RPS27L: variants seen among roughly 807,000 people sequenced by gnomAD.
RPS27L encodes ribosomal protein eS27-like.
A neutral mutation model predicts 12.8 loss-of-function variants in RPS27L; 10 were observed. The ratio of observed to expected loss-of-function variants is 0.78; its 90% CI spans 0.48 to 1.33. The LOEUF is 1.33. Ranked by LOEUF, RPS27L falls within the 40% of genes most tolerant of loss-of-function variation. The probability of loss-of-function intolerance (pLI) is 0.00; values close to 1 mark genes in which losing one functional copy is unlikely to be tolerated. For synonymous variants in RPS27L, 26 were observed against 32.3 expected, an observed-to-expected ratio of 0.81 and a Z score of 0.66; for missense variants, 81 against 97.4, an observed-to-expected ratio of 0.83 and a Z score of 0.71.
At chr15:63,155,934 T>C (rs1485211062) in intron 2 of RPS27L, among the ~76,000 whole-genome samples, 1 of 152,232 alleles carries the variant, frequency 6.6e-6, no homozygotes, top group African/African-American at 2.4e-5. Flanking sequence ...AAACTTAATA[T>C]TTCCAAAATA....
rs1172665123 is a variant in RPS27L, at chr15:63,151,026, T to G, written c.*3006A>C. The G allele has an allele frequency of 6.6e-6, 1 of 152,220 alleles. No homozygotes were observed. The highest frequency in any genetic ancestry group is 1.5e-5 in the Non-Finnish European group (1 of 68,036). The allele number at this position is 152,220 out of a possible 1,614,324, so 9.4% of individuals were successfully genotyped here. ...ATTTATATTAAGTTTATGGAAGGTT[T>G]CCTTTACAAATATATTTACATTAAA... is the stretch of plus-strand genomic sequence containing the variant. On this transcript the variant is annotated 3_prime_UTR_variant, in exon 4 of 4. Transcript: ENST00000330964.
rs1566996326 is a variant in RPS27L at position 63,149,375 on chromosome 15, A to T, written c.*4657T>A. The T allele has an allele frequency of 1.3e-5, 2 of 152,056 alleles. No homozygotes were observed. The highest frequency in any genetic ancestry group is 2.9e-5 in the Non-Finnish European group (2 of 68,030). 9.4% of individuals were successfully genotyped at this position (152,056 alleles called of 1,614,324 possible). On this transcript the variant is annotated 3_prime_UTR_variant, in exon 4 of 4. Transcript: ENST00000330964. ...TCAGCAGATCGAGACCATCCTGGCT[A>T]ACACGGTGAAACCCCATCTCTACTA...
intron 1 of RPS27L, 85 bp downstream of exon 1, chr15:63,157,315 C>T (rs985982391): frequency 4.7e-6 from 7 of 1,477,140 alleles, no homozygotes; most frequent in Non-Finnish European, 6.6e-6. Context: ...ACTACAGGCC[C>T]GAGAGGCAGC....
rs1333884830 is a variant in RPS27L at position 63,149,433 on chromosome 15, G to A, written c.*4599C>T. On this transcript the variant is annotated 3_prime_UTR_variant, in exon 4 of 4. Coordinates refer to ENST00000330964, the MANE Select transcript of RPS27L (RefSeq NM_015920.4). ...TTTAAAAAAATTAGCCCGGCGTGGT[G>A]GCACACGCCTGTAGTCTCAGGTACT... The A allele has an allele frequency of 6.6e-6, 1 of 151,974 alleles. No individual in the cohort carries two copies. Among genetic ancestry groups the A allele is most frequent in the African/African-American group, 2.4e-5 (1 of 41,386 alleles). The allele number at this position is 151,974 out of a possible 1,614,324, so 9.4% of individuals were successfully genotyped here. A position where few individuals can be genotyped will look rare whatever the true frequency, so the allele number is the denominator to read the frequency against.
rs2037314041 is a variant in RPS27L at position 63,153,621 on chromosome 15, A to G, written c.*411T>C. 6.3e-6 allele frequency: 1 copy of G among 159,966 alleles called. No individual in the cohort carries two copies. The highest frequency in any genetic ancestry group is 2.4e-5 in the African/African-American group (1 of 41,606). 9.9% of individuals were successfully genotyped at this position (159,966 alleles called of 1,614,324 possible). A position where few individuals can be genotyped will look rare whatever the true frequency, so the allele number is the denominator to read the frequency against. ...GTGCCTATAATCCCAGCTACTTGGG[A>G]GGACAAGGCAAGAGAATTGCTTGGA... On this transcript the variant is annotated 3_prime_UTR_variant, in exon 4 of 4. Transcript: ENST00000330964.
rs1039591877 is a variant in RPS27L at position 63,153,922 on chromosome 15, A to C, written c.*110T>G. The C allele has an allele frequency of 9.9e-7, 1 of 1,007,546 alleles. No individual in the cohort carries two copies. 62.4% of individuals were successfully genotyped at this position (1,007,546 alleles called of 1,614,324 possible). On this transcript the variant is annotated 3_prime_UTR_variant, in exon 4 of 4. Coordinates refer to ENST00000330964, the MANE Select transcript of RPS27L (RefSeq NM_015920.4). ...GGAGATTACTGCTGTATACCTTACAAAACCAAATGTAATTACATTATCTTG... is the reference window on the plus strand; with the variant it reads ...GGAGATTACTGCTGTATACCTTACACAACCAAATGTAATTACATTATCTTG...
chr15:63,151,394 C>A lies in RPS27L; in HGVS notation c.*2638G>T, dbSNP rs2037298493. 6.6e-6 allele frequency: 1 copy of A among 152,064 alleles called. No individual in the cohort carries two copies. Among genetic ancestry groups the A allele is most frequent in the Non-Finnish European group, 1.5e-5 (1 of 68,022 alleles). 9.4% of individuals were successfully genotyped at this position (152,064 alleles called of 1,614,324 possible). The stretch of plus-strand genomic sequence containing the variant: ...GACTACAGGTGTACACCACCACGCC[C>A]AGCTAATTTTTGTATGTTTAGTAGA... On this transcript the variant is annotated 3_prime_UTR_variant, in exon 4 of 4. Transcript: ENST00000330964.
chr15:63,155,674 C>T lies in RPS27L; in HGVS notation c.173G>A (p.Gly58Asp). The part of the protein sequence containing the change: ...SHAQTVVLCV[G>D]CSTVLCQPTG... ...AGGCTGGCACAACACTGTTGAACAA[C>T]CTACACAAAGAACCACTGTCTGAGC... Residue 58 changes from glycine (G) to aspartate (D), a missense_variant, in exon 3 of 4, where the codon GGT becomes GAT. Physicochemically the swap from Gly to Asp is moderately conservative, Grantham distance 94 (BLOSUM62 -1). Coordinates refer to ENST00000330964, the MANE Select transcript of RPS27L (RefSeq NM_015920.4). 3 of 1,579,416 alleles carry T rather than the reference C, an allele frequency of 1.9e-6. No individual in the cohort carries two copies. The highest frequency in any genetic ancestry group is 2.6e-6 in the Non-Finnish European group (3 of 1,162,842).
Position 63,149,070 on chromosome 15 carries a change from G to C in RPS27L, c.*4962C>G, listed in dbSNP as rs2037283472. 1 of 151,828 alleles carries C rather than the reference G, an allele frequency of 6.6e-6. No homozygotes were observed. The highest frequency in any genetic ancestry group is 2.4e-5 in the African/African-American group (1 of 41,372). 9.4% of individuals were successfully genotyped at this position (151,828 alleles called of 1,614,324 possible). ...GACGCGGTTTCATCATGTTGGCCAG[G>C]ATGGTCTCAATCTCGACCTCGTGAT... On this transcript the variant is annotated 3_prime_UTR_variant, in exon 4 of 4. Transcript: ENST00000330964.
At chr15:63,156,995 G>A in intron 1 of RPS27L, 1 of 355,184 alleles carries the variant, frequency 2.8e-6, no homozygotes, top group South Asian at 3.3e-5. Flanking sequence ...TAATATATAA[G>A]GCAACAACGA....
intron 1 of RPS27L, 105 bp from the exon 2 acceptor site, chr15:63,156,626 G>C: frequency 2.7e-6 from 2 of 740,448 alleles, no homozygotes; most frequent in Non-Finnish European, 2.4e-6. Context: ...GGTCATCCTC[G>C]GCAGAAGCAA....
chr15:63,151,637 A>C lies in RPS27L; in HGVS notation c.*2395T>G, dbSNP rs1322392664. The C allele has an allele frequency of 6.6e-6, 1 of 152,168 alleles. No homozygotes were observed. The highest frequency in any genetic ancestry group is 1.5e-5 in the Non-Finnish European group (1 of 68,036). The allele number at this position is 152,168 out of a possible 1,614,324, so 9.4% of individuals were successfully genotyped here. On this transcript the variant is annotated 3_prime_UTR_variant, in exon 4 of 4. Transcript: ENST00000330964. ...CTCATCATAGGTTTGATTCCTTCTC[A>C]TCAAAAGCTGTCATCCCACTGTCTC...
At position 63,150,631 on chromosome 15, in the gene RPS27L, T is replaced by G. The variant is rs767031745; in HGVS notation, c.*3401A>C. The stretch of plus-strand genomic sequence containing the variant: ...CAGGCCAGAAGCCAAGAATTTCATT[T>G]TATTTTTAGCTTATTTATTTTTTTC... On this transcript the variant is annotated 3_prime_UTR_variant, in exon 4 of 4. Coordinates refer to ENST00000330964, the MANE Select transcript of RPS27L (RefSeq NM_015920.4). 3.9e-5 allele frequency: 6 copies of G among 152,126 alleles called. No homozygotes were observed. Among genetic ancestry groups the G allele is most frequent in the Non-Finnish European group, 5.9e-5 (4 of 68,024 alleles). The allele number at this position is 152,126 out of a possible 1,614,324, so 9.4% of individuals were successfully genotyped here. A position where few individuals can be genotyped will look rare whatever the true frequency, so the allele number is the denominator to read the frequency against.
intron 2 of RPS27L, among the ~76,000 whole-genome samples, 191 bp from the exon 3 acceptor site, chr15:63,155,922 T>C (rs1453089993): frequency 6.6e-6 from 1 of 152,230 alleles, no homozygotes; most frequent in Non-Finnish European, 1.5e-5. Flanking sequence ...ATATATTTCA[T>C]TAAACTTAAT....
chr15:63,153,153 A>T lies in RPS27L; in HGVS notation c.*879T>A, dbSNP rs2037311542. Reference sequence around the variant, plus strand: ...ACCTATCTGGGCCAGAGAATTCAACACCATCTACTATCCCCAACCAGGACT... The same window carrying T: ...ACCTATCTGGGCCAGAGAATTCAACTCCATCTACTATCCCCAACCAGGACT... On this transcript the variant is annotated 3_prime_UTR_variant, in exon 4 of 4. Transcript: ENST00000330964. The T allele has an allele frequency of 6.6e-6, 1 of 152,142 alleles. No homozygotes were observed. The highest frequency in any genetic ancestry group is 2.1e-4 in the South Asian group (1 of 4,828). 9.4% of individuals were successfully genotyped at this position (152,142 alleles called of 1,614,324 possible). A position where few individuals can be genotyped will look rare whatever the true frequency, so the allele number is the denominator to read the frequency against.
At position 63,153,995 on chromosome 15, in the gene RPS27L, C is replaced by T. The variant is rs1595722144; in HGVS notation, c.*37G>A. On this transcript the variant is annotated 3_prime_UTR_variant, in exon 4 of 4. Coordinates refer to ENST00000330964, the MANE Select transcript of RPS27L (RefSeq NM_015920.4). ...ATTTATGATAAGGCTTTCTGTGAGACAACACAAAATTAAAATTCAGGAAGC... is the reference window on the plus strand; with the variant it reads ...ATTTATGATAAGGCTTTCTGTGAGATAACACAAAATTAAAATTCAGGAAGC... The T allele has an allele frequency of 1.3e-5, 19 of 1,513,082 alleles. No individual in the cohort carries two copies. The highest frequency in any genetic ancestry group is 2.3e-5 in the East Asian group (1 of 42,750). The allele number at this position is 1,513,082 out of a possible 1,614,324, so 93.7% of individuals were successfully genotyped here. A position where few individuals can be genotyped will look rare whatever the true frequency, so the allele number is the denominator to read the frequency against.
In RPS27L at chr15:63,149,785, T is replaced by C. The variant is rs569730836; in HGVS notation, c.*4247A>G. 1.1e-4 allele frequency: 16 copies of C among 152,056 alleles called. No individual in the cohort carries two copies. The highest frequency in any genetic ancestry group is 3.6e-4 in the African/African-American group (15 of 41,492). 9.4% of individuals were successfully genotyped at this position (152,056 alleles called of 1,614,324 possible). On this transcript the variant is annotated 3_prime_UTR_variant, in exon 4 of 4. Transcript: ENST00000330964. ...TTTTGCAGATGTCATTAAGAATACT[T>C]TATTTGGCCGGATGCAGTGGCTCAC...
In RPS27L at chr15:63,157,456, T is replaced by G. The variant is rs573922347; in HGVS notation, c.-51A>C. The G allele has an allele frequency of 5.1e-5, 82 of 1,610,156 alleles. No individual in the cohort carries two copies. The African/African-American group carries it at 1.0e-3, about 20-fold the overall frequency. On this transcript the variant is annotated 5_prime_UTR_variant, in exon 1 of 4. Coordinates refer to ENST00000330964, the MANE Select transcript of RPS27L (RefSeq NM_015920.4). Reference sequence around the variant, plus strand: ...TACCAGACCTCCCAGCCCACACAGCTAGCAAGCTGCAAGCGATCTGCGCTC... The same window carrying G: ...TACCAGACCTCCCAGCCCACACAGCGAGCAAGCTGCAAGCGATCTGCGCTC...
In RPS27L at chr15:63,155,854, G is replaced by T. The variant is rs1356230345; in HGVS notation, c.116-123C>A. The T allele has an allele frequency of 1.8e-5, 9 of 496,194 alleles. No homozygotes were observed. The South Asian group carries it at 4.8e-4, about 26-fold the overall frequency. 30.7% of individuals were successfully genotyped at this position (496,194 alleles called of 1,614,324 possible). ...TGCTATGAAACAGCAAGCCACATGT[G>T]TAACATAAACTTTTCTAGCAGCGAC... On this transcript the variant is annotated intron_variant, in intron 2 of 3. Transcript: ENST00000330964.
Sources: gnomAD v4.1 joint callset for allele counts (sites outside exome capture counted in the v4.1 genomes callset) on GRCh38, gnomAD v4.1.1 for gene constraint, MANE v1.5 for transcripts, NCBI Gene and HGNC (gene_info 2026-07-23, HGNC 2026-07-21) for gene names.